The following BANK1 variants were observed in gnomAD, a reference collection of about 807,000 sequenced individuals.
BANK1 encodes the protein B cell scaffold protein with ankyrin repeats 1.
BANK1 carries 95 observed loss-of-function variants against 94.5 expected under a neutral mutation model. The observed-to-expected ratio is 1.00, with a 90% confidence interval of 0.85 to 1.19. BANK1 has a LOEUF of 1.19. BANK1 is among the 50% of genes most tolerant of loss of function. BANK1 has a pLI of 0.00. For synonymous variants in BANK1, 334 were observed against 308.4 expected (o/e 1.08, Z -0.87); for missense variants, 987 against 932.2 (o/e 1.06, Z -0.77).
intron 10 of BANK1, among the ~76,000 whole-genome samples, chr4:102,039,993 T>A (rs148400553): frequency 6.6e-4 from 100 of 152,208 alleles, no homozygotes; most frequent in African/African-American, 2.3e-3. Flanking sequence ...AAATGAATGT[T>A]GTTGTTAATT....
At chr4:101,947,797 A>G (rs542140167) in intron 7 of BANK1, among the ~76,000 whole-genome samples, 2 of 152,120 alleles carry the variant, frequency 1.3e-5, no homozygotes, top group African/African-American at 4.8e-5. Context: ...AAGTTTAGTC[A>G]TGTTCACTTA....
chr4:102,065,632 C>A (rs937369397), intron 13 of BANK1, among the ~76,000 whole-genome samples: 5 of 151,798 alleles, frequency 3.3e-5, no homozygotes, highest in Admixed American at 2.0e-4. Context: ...AGCAAACAGA[C>A]TTTAAAGCAC....
chr4:101,893,938 G>T lies in BANK1; in HGVS notation c.904-1367G>T, dbSNP rs552771608. 7.9e-5 allele frequency among the ~76,000 whole-genome samples: 12 copies of T among 152,028 alleles called. No homozygotes were observed. In the East Asian group the frequency reaches 2.3e-3, roughly 29 times the overall value. ...TCTCACTCTTCTTTTTCTTATGGAA[G>T]TACCTAGAGTCCTTAACCAGGCCAT... On this transcript the variant is annotated intron_variant, in intron 5 of 16. Transcript: ENST00000322953.
In BANK1 at chr4:102,028,346, G is replaced by A. The variant is rs10005830; in HGVS notation, c.1595-1614G>A. On this transcript the variant is annotated intron_variant, in intron 9 of 16. Transcript: ENST00000322953. Reference sequence around the variant, plus strand: ...TTATTCATAGGATAAAAGGCAAGCCGTGGTGAATTGAAAGTTAGTGCTAGG... The same window carrying A: ...TTATTCATAGGATAAAAGGCAAGCCATGGTGAATTGAAAGTTAGTGCTAGG... Among the ~76,000 whole-genome samples the A allele has an allele frequency of 7.8e-4, 119 of 152,296 alleles. 1 individual carries two copies. The highest frequency in any genetic ancestry group is 2.7e-3 in the African/African-American group (111 of 41,562).
rs897305698 is a variant in BANK1 at position 102,056,588 on chromosome 4, G to A, written c.1970-3623G>A. Among the ~76,000 whole-genome samples, 6 of 151,990 alleles carry A rather than the reference G, an allele frequency of 3.9e-5. 1 individual carries two copies. The South Asian group carries it at 6.2e-4, about 16-fold the overall frequency. On this transcript the variant is annotated intron_variant, in intron 11 of 16. Transcript: ENST00000322953. ...GATACTTAAAAAGGACCACCAAGAC[G>A]TTTACGATACCTGTTTCTGAAGAGT...
chr4:102,007,083 TATATATA>T (rs1726297165), intron 7 of BANK1, among the ~76,000 whole-genome samples: 1 of 72,310 alleles, frequency 1.4e-5, no homozygotes, highest in Admixed American at 1.4e-4. Context: ...TATATATAAA[TATATATA>T]TAATATATTT....
chr4:101,813,834 C>A lies in BANK1; in HGVS notation c.71-15974C>A, dbSNP rs537638434. 2.6e-5 allele frequency: 26 copies of A among 985,204 alleles called. No homozygotes were observed. In the African/African-American group the frequency reaches 3.1e-4, roughly 12 times the overall value. 61.0% of individuals were successfully genotyped at this position (985,204 alleles called of 1,614,324 possible). Reference sequence around the variant, plus strand: ...GGTCTGCAATTTCCCTTCTGGCCAACAAGGGCTGCAGAGGATGCACACATC... The same window carrying A: ...GGTCTGCAATTTCCCTTCTGGCCAAAAAGGGCTGCAGAGGATGCACACATC... On this transcript the variant is annotated intron_variant, in intron 1 of 16. Transcript: ENST00000322953.
chr4:102,046,355 C>A lies in BANK1; in HGVS notation c.1969+2448C>A, dbSNP rs552333487. ...CACACAATATAATTTTGCCATAATA[C>A]AATTAATACAAGAAAATTATTTTAA... On this transcript the variant is annotated intron_variant, in intron 11 of 16. Transcript: ENST00000322953. 2.0e-5 allele frequency among the ~76,000 whole-genome samples: 3 copies of A among 152,154 alleles called. No individual in the cohort carries two copies. The East Asian group carries it at 5.8e-4, about 29-fold the overall frequency.
chr4:101,816,610 A>G (rs1258026343), intron 1 of BANK1, among the ~76,000 whole-genome samples: 1 of 147,652 alleles, frequency 6.8e-6, no homozygotes, highest in Non-Finnish European at 1.5e-5. Context: ...GAGGTTACAG[A>G]TGTATGTTGA....
intron 7 of BANK1, among the ~76,000 whole-genome samples, chr4:101,951,000 A>G (rs1015680376): frequency 6.6e-6 from 1 of 152,184 alleles, no homozygotes; most frequent in African/African-American, 2.4e-5. Flanking sequence ...GAAGATCTTA[A>G]AAAGACATGA....
At chr4:101,966,317 T>A (rs1724753963) in intron 7 of BANK1, among the ~76,000 whole-genome samples, 2 of 152,022 alleles carry the variant, frequency 1.3e-5, no homozygotes, top group Non-Finnish European at 2.9e-5. Flanking sequence ...TTTTAGAAAA[T>A]TTTTATTAAG....
intron 7 of BANK1, among the ~76,000 whole-genome samples, chr4:102,010,002 C>T (rs561231123): frequency 2.0e-5 from 3 of 152,274 alleles, no homozygotes; most frequent in South Asian, 4.1e-4. Context: ...TGCCGTGGCT[C>T]ACGCCTGTAA....
intron 7 of BANK1, among the ~76,000 whole-genome samples, chr4:101,996,813 C>T (rs1459560811): frequency 6.6e-6 from 1 of 152,154 alleles, no homozygotes; most frequent in Non-Finnish European, 1.5e-5. Flanking sequence ...TGCTTATCAG[C>T]TTAAGGAGAT....
At chr4:102,004,314 C>A (rs917119866) in intron 7 of BANK1, among the ~76,000 whole-genome samples, 1 of 152,168 alleles carries the variant, frequency 6.6e-6, no homozygotes, top group Non-Finnish European at 1.5e-5. Flanking sequence ...TGCTGGCTCT[C>A]AGGCTAGACT....
intron 7 of BANK1, among the ~76,000 whole-genome samples, chr4:102,009,203 G>A (rs902249693): frequency 5.9e-5 from 9 of 152,166 alleles, no homozygotes; most frequent in African/African-American, 1.4e-4. Context: ...AGACATCCTG[G>A]CTCCTGCTGC....
In BANK1 at chr4:101,855,162, G is replaced by A; in HGVS notation, c.597G>A (p.Val199=). The A allele has an allele frequency of 6.2e-7, 1 of 1,613,048 alleles. No individual in the cohort carries two copies. Among genetic ancestry groups the A allele is most frequent in the Non-Finnish European group, 8.5e-7 (1 of 1,179,378 alleles). ...CAAGAAACACCATACCACTAGCAGT[G>A]GTGCTTCCCACTGAAATTCCATGTG... ...EASRNTIPLA[V]VLPTEIPCEN... is the part of the protein sequence containing the mutation. Residue 199 remains valine (V), a synonymous_variant, in exon 3 of 17, where the codon GTG becomes GTA. Transcript: ENST00000322953.
chr4:101,951,820 G>A (rs948948347), intron 7 of BANK1, among the ~76,000 whole-genome samples: 1 of 151,556 alleles, frequency 6.6e-6, no homozygotes, highest in Non-Finnish European at 1.5e-5. Flanking sequence ...AAATAATTTT[G>A]ATTTTTAGTT....
intron 7 of BANK1, among the ~76,000 whole-genome samples, chr4:101,991,080 T>A (rs977549121): frequency 2.6e-5 from 4 of 152,160 alleles, no homozygotes; most frequent in Admixed American, 6.6e-5. Flanking sequence ...AAAAGTATTA[T>A]CCCCGTTTTG....
At chr4:101,942,165 A>G (rs890626664) in intron 7 of BANK1, among the ~76,000 whole-genome samples, 6 of 151,878 alleles carry the variant, frequency 4.0e-5, no homozygotes, top group African/African-American at 7.2e-5. Context: ...TTTTTCTGCT[A>G]TTACTAAAAT....
Sources: allele counts gnomAD v4.1 joint callset (sites outside exome capture counted in the v4.1 genomes callset), GRCh38; gene constraint gnomAD v4.1.1; transcripts MANE v1.5; gene names NCBI Gene and HGNC (gene_info 2026-07-23, HGNC 2026-07-21).